Variants in HSPA12A observed in about 807,000 individuals in gnomAD.
HSPA12A encodes heat shock protein family A (Hsp70) member 12A, also known as heat shock 70 kDa protein 12A.
Under a neutral mutation model 69.2 loss-of-function variants are expected in HSPA12A, and 28 were observed. The observed-to-expected ratio is 0.40, with a 90% CI of 0.30 to 0.55. The LOEUF (loss-of-function observed/expected upper bound fraction) is 0.55. Ranked by LOEUF, HSPA12A falls within the 20% of genes least tolerant of loss-of-function variation. The probability of loss-of-function intolerance (pLI) is 0.38; values close to 1 mark genes in which losing one functional copy is unlikely to be tolerated. For synonymous variants in HSPA12A, 345 were observed against 370.5 expected (o/e 0.93, Z 0.79); for missense variants, 686 against 900.7 (o/e 0.76, Z 3.05).
chr10:116,754,145 C>G (rs1418683020), intron 2 of HSPA12A, among the ~76,000 whole-genome samples: 2 of 152,190 alleles, frequency 1.3e-5, no homozygotes, highest in African/African-American at 4.8e-5. Flanking sequence ...CCACCGAAGT[C>G]CTTCCCAGGC....
Position 116,716,480 on chromosome 10 carries a change from G to A in HSPA12A, c.41-9195C>T, listed in dbSNP as rs574117822. ...GGGTGGGGGGTGTGTATGTGTGTGT[G>A]TGCATGCATGTGCTCCTGTTGGGGA... is the stretch of plus-strand genomic sequence containing the variant. On this transcript the variant is annotated intron_variant, in intron 1 of 11. Transcript: ENST00000369209. Among the ~76,000 whole-genome samples the A allele has an allele frequency of 5.3e-5, 8 of 152,222 alleles. No individual in the cohort carries two copies. The South Asian group carries it at 1.2e-3, about 24-fold the overall frequency.
At chr10:116,845,456 C>T (rs536519238) in intron 1 of HSPA12A, among the ~76,000 whole-genome samples, 3 of 152,252 alleles carry the variant, frequency 2.0e-5, no homozygotes, top group African/African-American at 4.8e-5. Flanking sequence ...CCATACACGC[C>T]TTCCAATGCA....
At chr10:116,779,059 A>C (rs1417932885) in intron 2 of HSPA12A, among the ~76,000 whole-genome samples, 1 of 152,198 alleles carries the variant, frequency 6.6e-6, no homozygotes, top group Non-Finnish European at 1.5e-5. Context: ...GCTCCTTTCA[A>C]GTTAGGCAAC....
intron 1 of HSPA12A, among the ~76,000 whole-genome samples, chr10:116,731,875 AAAAGAAAG>A (rs781884603): frequency 7.9e-5 from 12 of 152,152 alleles, no homozygotes; most frequent in Non-Finnish European, 1.3e-4. Flanking sequence ...CTGGACTTGG[AAAAGAAAG>A]AAAAACAGAC....
intron 1 of HSPA12A, among the ~76,000 whole-genome samples, chr10:116,741,179 G>C (rs1192147121): frequency 6.6e-6 from 1 of 151,936 alleles, no homozygotes; most frequent in African/African-American, 2.4e-5. Context: ...CCCCACCACT[G>C]CAGTGCCGCG....
chr10:116,844,875 T>A (rs536674292), intron 1 of HSPA12A, among the ~76,000 whole-genome samples: 1 of 152,380 alleles, frequency 6.6e-6, no homozygotes, highest in African/African-American at 2.4e-5. Context: ...AACAAATACG[T>A]CTTTATTCAC....
chr10:116,706,676 G>C (rs1370074610), intron 2 of HSPA12A, among the ~76,000 whole-genome samples: 1 of 152,162 alleles, frequency 6.6e-6, no homozygotes, highest in Non-Finnish European at 1.5e-5. Flanking sequence ...ACAGGGCAGG[G>C]TGGGAGCAAC....
chr10:116,750,150 CA>C, intron 2 of HSPA12A: 1 of 598,470 alleles, frequency 1.7e-6, no homozygotes, highest in South Asian at 1.9e-5. Flanking sequence ...CATGAGCTAC[CA>C]AAACATGGTG....
intron 2 of HSPA12A, among the ~76,000 whole-genome samples, chr10:116,825,211 T>A (rs569694256): frequency 1.6e-4 from 24 of 146,424 alleles, no homozygotes; most frequent in South Asian, 8.7e-4. Context: ...TAAGTAAATT[T>A]AAAAAAAAAA....
chr10:116,706,006 C>T lies in HSPA12A; in HGVS notation c.127-728G>A, dbSNP rs531801040. The stretch of plus-strand genomic sequence containing the variant: ...TGCCTCCCGGGTTCACGCCCTTCTC[C>T]GCCTCAGCCTCCCGAGTAGCTGGGA... On this transcript the variant is annotated intron_variant, in intron 2 of 11. Transcript: ENST00000369209. Among the ~76,000 whole-genome samples, 11 of 151,678 alleles carry T rather than the reference C, an allele frequency of 7.3e-5. No homozygotes were observed. The East Asian group carries it at 1.4e-3, about 19-fold the overall frequency.
At chr10:116,689,244 G>GC (rs11441634) in intron 6 of HSPA12A, among the ~76,000 whole-genome samples, 151,951 of 151,986 alleles carry the variant, frequency 1, 75,958 homozygotes, top group Middle Eastern at 1. Context: ...CCCCACCACT[G>GC]CCCAGAAACC....
At chr10:116,796,210 A>C (rs547192588) in intron 2 of HSPA12A, among the ~76,000 whole-genome samples, 1 of 152,218 alleles carries the variant, frequency 6.6e-6, no homozygotes, top group East Asian at 1.9e-4. Context: ...AATATAAAAT[A>C]ATACTTCATG....
At chr10:116,800,813 T>A (rs1204476358) in intron 2 of HSPA12A, among the ~76,000 whole-genome samples, 2 of 152,198 alleles carry the variant, frequency 1.3e-5, no homozygotes, top group Non-Finnish European at 2.9e-5. Context: ...GGAAGACTCA[T>A]CGGAATGCAA....
At chr10:116,727,418 C>A (rs1851003643) in intron 1 of HSPA12A, among the ~76,000 whole-genome samples, 1 of 152,202 alleles carries the variant, frequency 6.6e-6, no homozygotes, top group South Asian at 2.1e-4. Flanking sequence ...CTCCAATGCA[C>A]TGGCAGGAAT....
intron 2 of HSPA12A, among the ~76,000 whole-genome samples, chr10:116,750,960 A>G (rs1851764038): frequency 6.6e-6 from 1 of 151,940 alleles, no homozygotes; most frequent in Non-Finnish European, 1.5e-5. Context: ...GTGACAGAGC[A>G]AGATGAAGAA....
chr10:116,834,767 T>C (rs1253611704), intron 2 of HSPA12A, among the ~76,000 whole-genome samples: 1 of 152,184 alleles, frequency 6.6e-6, no homozygotes, highest in East Asian at 1.9e-4. Flanking sequence ...CTTGCTGGTG[T>C]TCTGAACAAG....
chr10:116,816,628 C>G (rs920027002), intron 2 of HSPA12A, among the ~76,000 whole-genome samples: 3 of 152,370 alleles, frequency 2.0e-5, no homozygotes, highest in South Asian at 4.1e-4. Flanking sequence ...TCACGTAAAA[C>G]AGCCCCGACA....
chr10:116,786,137 C>T (rs895785271), intron 2 of HSPA12A, among the ~76,000 whole-genome samples: 16 of 152,166 alleles, frequency 1.1e-4, no homozygotes, highest in Non-Finnish European at 8.8e-5. Context: ...GGAGATGGAG[C>T]GGGTTCTGCA....
At chr10:116,694,824 TC>T (rs1849839325) in intron 5 of HSPA12A, among the ~76,000 whole-genome samples, 1 of 152,068 alleles carries the variant, frequency 6.6e-6, no homozygotes, top group African/African-American at 2.4e-5. Flanking sequence ...GTTGTGCCCC[TC>T]CCCTTCTGCC....
Sources: gnomAD v4.1 joint callset for allele counts (sites outside exome capture counted in the v4.1 genomes callset) on GRCh38, gnomAD v4.1.1 for gene constraint, MANE v1.5 for transcripts, NCBI Gene and HGNC (gene_info 2026-07-23, HGNC 2026-07-21) for gene names.